ASTN1: variants seen among roughly 807,000 people sequenced by gnomAD.
The protein encoded by ASTN1 is astrotactin-1.
ASTN1 carries 41 observed loss-of-function variants against 140.7 expected under a neutral mutation model. The ratio of observed to expected loss-of-function variants is 0.29; its 90% CI spans 0.23 to 0.38. The LOEUF (loss-of-function observed/expected upper bound fraction) is 0.38. ASTN1 is among the 10% of genes least tolerant of loss of function. ASTN1 has a pLI of 1.00. For synonymous variants in ASTN1, 640 were observed against 652.2 expected (o/e 0.98, Z 0.29); for missense variants, 1,479 against 1,678.8 (o/e 0.88, Z 2.08).
At chr1:176,970,172 A>C (rs1673076696) in intron 8 of ASTN1, among the ~76,000 whole-genome samples, 1 of 152,106 alleles carries the variant, frequency 6.6e-6, no homozygotes, top group Admixed American at 6.5e-5. Flanking sequence ...TTTAGGACAT[A>C]TCCACTTTTG....
Position 176,894,642 on chromosome 1 carries a change from T to G in ASTN1, c.2860A>C (p.Thr954Pro). 1 of 1,613,758 alleles carries G rather than the reference T, an allele frequency of 6.2e-7. No homozygotes were observed. Among genetic ancestry groups the G allele is most frequent in the Admixed American group, 1.7e-5 (1 of 59,978 alleles). Residue 954 changes from threonine to proline, a missense_variant, in exon 17 of 23, where the codon ACC becomes CCC. By Grantham distance (38) the Thr-to-Pro change is conservative (BLOSUM62 -1). Transcript: ENST00000361833. Reference sequence around the variant, plus strand: ...TCCAGCAGAACCGGCTCAGCAGGGGTGTCAGGGCTGGATGTCACATGACAC... The same window carrying G: ...TCCAGCAGAACCGGCTCAGCAGGGGGGTCAGGGCTGGATGTCACATGACAC... ...PLCHVTSSPD[T>P]PAEPVLLEVT...
At chr1:176,945,450 T>C (rs939836261) in intron 13 of ASTN1, among the ~76,000 whole-genome samples, 2 of 152,254 alleles carry the variant, frequency 1.3e-5, no homozygotes, top group Non-Finnish European at 2.9e-5. Context: ...TGGATTCTCA[T>C]ATCTGAATTC....
intron 22 of ASTN1, among the ~76,000 whole-genome samples, chr1:176,865,829 G>A (rs893789975): frequency 1.3e-5 from 2 of 152,178 alleles, no homozygotes; most frequent in African/African-American, 4.8e-5. Flanking sequence ...AATCATGGTG[G>A]AAGATGAAAG....
chr1:176,916,103 T>C (rs1170520068), intron 16 of ASTN1, among the ~76,000 whole-genome samples: 1 of 152,224 alleles, frequency 6.6e-6, no homozygotes, highest in East Asian at 1.9e-4. Flanking sequence ...AGACTCACCA[T>C]TGACCCTTTC....
At chr1:176,895,801 G>A (rs1373520486) in intron 16 of ASTN1, among the ~76,000 whole-genome samples, 1 of 152,166 alleles carries the variant, frequency 6.6e-6, no homozygotes, top group African/African-American at 2.4e-5. Flanking sequence ...TAATTCTAAA[G>A]GAAGATTGAA....
At chr1:177,115,078 G>C (rs545455956) in intron 1 of ASTN1, among the ~76,000 whole-genome samples, 1 of 152,106 alleles carries the variant, frequency 6.6e-6, no homozygotes, top group East Asian at 1.9e-4. Context: ...AGAAGAAGGG[G>C]CAACAGTCAC....
At position 177,032,673 on chromosome 1, in the gene ASTN1, G is replaced by A. The variant is rs775340935; in HGVS notation, c.648C>T (p.Ser216=). The A allele has an allele frequency of 3.7e-6, 6 of 1,614,120 alleles. No individual in the cohort carries two copies. In the South Asian group the frequency reaches 4.4e-5, roughly 12 times the overall value. ...GGCCCTGCACGCGGGCATTGCGCAG[G>A]CTCTCCCGTCCGTGCCCGCCGATCA... ...SVLIGGHGRE[S]LRNARVQGHN... Residue 216 remains serine (S), a synonymous_variant, in exon 3 of 23, where the codon AGC becomes AGT. Coordinates refer to ENST00000361833, the MANE Select transcript of ASTN1 (RefSeq NM_004319.3).
intron 1 of ASTN1, among the ~76,000 whole-genome samples, chr1:177,089,384 T>G (rs1021397375): frequency 1.3e-5 from 2 of 152,142 alleles, no homozygotes; most frequent in African/African-American, 4.8e-5. Flanking sequence ...ATTTGGTTAA[T>G]GTATTAATCT....
intron 1 of ASTN1, among the ~76,000 whole-genome samples, chr1:177,159,417 G>T (rs1344757589): frequency 6.6e-6 from 1 of 152,162 alleles, no homozygotes; most frequent in African/African-American, 2.4e-5. Flanking sequence ...AGAGAAAAAA[G>T]AAGGAAAAGA....
intron 4 of ASTN1, 104 bp downstream of exon 4, chr1:177,030,702 C>A: frequency 1.4e-6 from 2 of 1,471,890 alleles, no homozygotes; most frequent in Non-Finnish European, 1.9e-6. Flanking sequence ...CCAGGGCATA[C>A]CCTCTCCAGC....
intron 8 of ASTN1, among the ~76,000 whole-genome samples, chr1:176,999,878 T>C (rs1246173585): frequency 6.6e-6 from 1 of 152,168 alleles, no homozygotes; most frequent in Admixed American, 6.5e-5. Flanking sequence ...TCCACCATGT[T>C]TATAAGATTC....
At chr1:177,008,081 A>G (rs137925182) in intron 8 of ASTN1, among the ~76,000 whole-genome samples, 205 of 152,318 alleles carry the variant, frequency 1.3e-3, no homozygotes, top group African/African-American at 4.7e-3. Flanking sequence ...TCCCAAGCCA[A>G]CTGGAGGGGA....
chr1:177,008,436 A>G (rs1675103739), intron 8 of ASTN1, among the ~76,000 whole-genome samples: 1 of 149,426 alleles, frequency 6.7e-6, no homozygotes. Context: ...AGAGGAAGAC[A>G]GAGAGGAAGA....
chr1:177,054,646 T>C (rs1677710067), intron 2 of ASTN1, among the ~76,000 whole-genome samples: 1 of 152,220 alleles, frequency 6.6e-6, no homozygotes, highest in Non-Finnish European at 1.5e-5. Context: ...ATCTGCTTCT[T>C]TCACTAAGGA....
chr1:176,974,645 A>C (rs1156900235), intron 8 of ASTN1, among the ~76,000 whole-genome samples: 2 of 152,174 alleles, frequency 1.3e-5, no homozygotes, highest in African/African-American at 2.4e-5. Flanking sequence ...TTGGCCTCCC[A>C]AAGTGCTGGG....
rs546565144 is a variant in ASTN1, at chr1:176,873,117, T to G, written c.3463+3420A>C. Among the ~76,000 whole-genome samples the G allele has an allele frequency of 5.3e-5, 8 of 152,340 alleles. No individual in the cohort carries two copies. The South Asian group carries it at 1.7e-3, about 32-fold the overall frequency. On this transcript the variant is annotated intron_variant, in intron 21 of 22. Coordinates refer to ENST00000361833, the MANE Select transcript of ASTN1 (RefSeq NM_004319.3). ...AACAGATTTTGATTCTAATTGCTTT[T>G]GTGTGTAGCATCTAATAGCAGGGTT...
chr1:176,968,074 C>A (rs991078451), intron 8 of ASTN1, among the ~76,000 whole-genome samples: 2 of 152,188 alleles, frequency 1.3e-5, no homozygotes, highest in Non-Finnish European at 2.9e-5. Flanking sequence ...GCCAGCTTAG[C>A]CACCAATCAC....
chr1:177,131,879 G>A (rs1681959939), intron 1 of ASTN1, among the ~76,000 whole-genome samples: 1 of 152,162 alleles, frequency 6.6e-6, no homozygotes. Context: ...TGATGATGGG[G>A]AAGCACGAGG....
intron 2 of ASTN1, among the ~76,000 whole-genome samples, chr1:177,038,706 A>AT (rs1338888369): frequency 3.3e-5 from 5 of 151,950 alleles, no homozygotes; most frequent in South Asian, 4.2e-4. Context: ...TTAGCAAGGC[A>AT]TTTTTTTTCA....
Sources: gnomAD v4.1 joint callset for allele counts (sites outside exome capture counted in the v4.1 genomes callset) on GRCh38, gnomAD v4.1.1 for gene constraint, MANE v1.5 for transcripts, NCBI Gene and HGNC (gene_info 2026-07-23, HGNC 2026-07-21) for gene names.